The following EPSTI1 variants were observed in gnomAD, a reference collection of about 807,000 sequenced individuals.
The protein encoded by EPSTI1 is epithelial stromal interaction 1, also known as epithelial-stromal interaction protein 1.
In EPSTI1, 66 loss-of-function variants were observed where a neutral mutation model predicts 49.9. The observed-to-expected ratio is 1.32, with a 90% CI of 1.08 to 1.62. The LOEUF (loss-of-function observed/expected upper bound fraction) is 1.62. Among genes scored for constraint, EPSTI1 ranks in the 40% most tolerant of loss-of-function variants. EPSTI1 has a pLI of 0.00. For synonymous variants in EPSTI1, 137 were observed against 130.7 expected, an observed-to-expected ratio of 1.05 and a Z score of -0.33; for missense variants, 394 against 365.5, an observed-to-expected ratio of 1.08 and a Z score of -0.64.
intron 10 of EPSTI1, among the ~76,000 whole-genome samples, chr13:42,890,010 C>T (rs1189408661): frequency 6.6e-6 from 1 of 152,130 alleles, no homozygotes; most frequent in African/African-American, 2.4e-5. Flanking sequence ...TCTGTTTCCC[C>T]CCAGTGATGT....
At chr13:42,981,551 A>G (rs11619402) in intron 1 of EPSTI1, among the ~76,000 whole-genome samples, 29,421 of 152,178 alleles carry the variant, frequency 0.19, 2,911 homozygotes, top group Middle Eastern at 0.34. Context: ...ACAAATGCGT[A>G]CCATACTGAG....
chr13:42,908,394 G>A (rs1471688774), intron 8 of EPSTI1, among the ~76,000 whole-genome samples: 2 of 150,494 alleles, frequency 1.3e-5, no homozygotes, highest in African/African-American at 4.9e-5. Context: ...GCTGAGTCAT[G>A]AGAATTGTTT....
chr13:42,910,102 A>C (rs1323822663), intron 8 of EPSTI1, among the ~76,000 whole-genome samples: 2 of 152,118 alleles, frequency 1.3e-5, no homozygotes, highest in Non-Finnish European at 2.9e-5. Flanking sequence ...GATTTTGTGG[A>C]TTCCAGGAAA....
intron 1 of EPSTI1, among the ~76,000 whole-genome samples, chr13:42,977,656 C>T (rs1245651601): frequency 6.6e-6 from 1 of 152,202 alleles, no homozygotes. Context: ...GCTCTGTGAC[C>T]ATGAAAACAC....
intron 10 of EPSTI1, chr13:42,889,073 C>G (rs570528370): frequency 2.8e-6 from 2 of 716,584 alleles, no homozygotes; most frequent in East Asian, 2.7e-5. Context: ...ATTAAAATCT[C>G]AGGTTGCCTC....
At chr13:42,916,420 T>G (rs1021862227) in intron 8 of EPSTI1, among the ~76,000 whole-genome samples, 2 of 152,180 alleles carry the variant, frequency 1.3e-5, no homozygotes, top group Admixed American at 1.3e-4. Context: ...GGGACACATT[T>G]ATACCATATG....
At chr13:42,902,293 T>A (rs961124731) in intron 8 of EPSTI1, among the ~76,000 whole-genome samples, 39 of 152,172 alleles carry the variant, frequency 2.6e-4, no homozygotes, top group African/African-American at 8.7e-4. Flanking sequence ...TAGCTCCTCA[T>A]TCAAGTTTCT....
intron 1 of EPSTI1, among the ~76,000 whole-genome samples, chr13:42,973,517 A>AG (rs1009408770): frequency 1.3e-5 from 2 of 152,218 alleles, no homozygotes; most frequent in African/African-American, 2.4e-5. Flanking sequence ...TAAGGAACTT[A>AG]GCTTCTATTT....
chr13:42,949,530 T>C (rs1423460740), intron 6 of EPSTI1, among the ~76,000 whole-genome samples: 1 of 148,060 alleles, frequency 6.8e-6, no homozygotes, highest in Non-Finnish European at 1.5e-5. Context: ...AGGCAGCAGT[T>C]GCAGTGAGCT....
chr13:42,894,763 G>T (rs1296486758), intron 10 of EPSTI1, among the ~76,000 whole-genome samples: 3 of 151,426 alleles, frequency 2.0e-5, no homozygotes, highest in Admixed American at 1.3e-4. Flanking sequence ...CAATCATGCT[G>T]AGAACAAAGG....
At chr13:42,974,011 C>A (rs1346523592) in intron 1 of EPSTI1, among the ~76,000 whole-genome samples, 2 of 152,158 alleles carry the variant, frequency 1.3e-5, no homozygotes, top group African/African-American at 2.4e-5. Flanking sequence ...TGTTTTTCTG[C>A]ACCATAAGAA....
chr13:42,907,828 G>A (rs2037539816), intron 8 of EPSTI1, among the ~76,000 whole-genome samples: 1 of 152,136 alleles, frequency 6.6e-6, no homozygotes, highest in Admixed American at 6.6e-5. Context: ...TTAGCATTCG[G>A]GAACATTAGC....
intron 6 of EPSTI1, among the ~76,000 whole-genome samples, chr13:42,937,165 G>A (rs1259829416): frequency 6.6e-6 from 1 of 152,122 alleles, no homozygotes; most frequent in African/African-American, 2.4e-5. Flanking sequence ...TCTTAGGTGT[G>A]CAATAGCATT....
chr13:42,928,188 C>T (rs572112663), intron 6 of EPSTI1, among the ~76,000 whole-genome samples: 61 of 152,244 alleles, frequency 4.0e-4, no homozygotes, highest in East Asian at 1.3e-3. Context: ...GCAGAGTATG[C>T]GGATTACTGC....
intron 5 of EPSTI1, among the ~76,000 whole-genome samples, chr13:42,957,164 G>C (rs1000223606): frequency 6.6e-6 from 1 of 152,132 alleles, no homozygotes; most frequent in Non-Finnish European, 1.5e-5. Context: ...ATAGGGATAT[G>C]GGATGAGTAA....
At chr13:42,945,925 T>G (rs367808002) in intron 6 of EPSTI1, among the ~76,000 whole-genome samples, 1 of 152,222 alleles carries the variant, frequency 6.6e-6, no homozygotes, top group Non-Finnish European at 1.5e-5. Context: ...AAAATAGATA[T>G]GAGATTTTTG....
chr13:42,930,179 C>A (rs970532851), intron 6 of EPSTI1, among the ~76,000 whole-genome samples: 1 of 152,192 alleles, frequency 6.6e-6, no homozygotes, highest in South Asian at 2.1e-4. Flanking sequence ...AAAACCTCAG[C>A]GTGTCTTAGG....
intron 7 of EPSTI1, among the ~76,000 whole-genome samples, chr13:42,920,263 G>A (rs2037954772): frequency 6.6e-6 from 1 of 152,114 alleles, no homozygotes; most frequent in Non-Finnish European, 1.5e-5. Flanking sequence ...CAAGATGGTG[G>A]AGTAAAGATG....
At chr13:42,896,646 A>G (rs2037197732) in intron 9 of EPSTI1, among the ~76,000 whole-genome samples, 1 of 152,144 alleles carries the variant, frequency 6.6e-6, no homozygotes, top group Admixed American at 6.5e-5. Flanking sequence ...TCCCCATACA[A>G]CAACCTTACT....
Sources: gnomAD v4.1 joint callset for allele counts (sites outside exome capture counted in the v4.1 genomes callset) on GRCh38, gnomAD v4.1.1 for gene constraint, MANE v1.5 for transcripts, NCBI Gene and HGNC (gene_info 2026-07-23, HGNC 2026-07-21) for gene names.